The following PAIP2B variants were observed in gnomAD, a reference collection of about 807,000 sequenced individuals.
The protein encoded by PAIP2B is polyadenylate-binding protein-interacting protein 2B.
PAIP2B carries 13 observed loss-of-function variants against 17.0 expected under a neutral mutation model. The ratio of observed to expected loss-of-function variants is 0.76; its 90% CI spans 0.50 to 1.22. The LOEUF (loss-of-function observed/expected upper bound fraction) is 1.22, where lower values mean the gene tolerates loss of function less well. Among genes scored for constraint, PAIP2B ranks in the 50% most tolerant of loss-of-function variants. The probability of loss-of-function intolerance (pLI) is 0.00; values close to 1 mark genes in which losing one functional copy is unlikely to be tolerated. For missense variants in PAIP2B, 117 were observed against 144.5 expected, an observed-to-expected ratio of 0.81 and a Z score of 0.98; for synonymous variants, 43 against 48.7, an observed-to-expected ratio of 0.88 and a Z score of 0.48.
chr2:71,225,438 T>A (rs1407503773), intron 1 of PAIP2B, among the ~76,000 whole-genome samples: 8 of 152,160 alleles, frequency 5.3e-5, no homozygotes, highest in Non-Finnish European at 1.2e-4. Context: ...GATGTTAAAC[T>A]CATAGCTTAC....
intron 1 of PAIP2B, among the ~76,000 whole-genome samples, chr2:71,211,637 A>G (rs1447928464): frequency 1.3e-5 from 2 of 149,684 alleles, no homozygotes; most frequent in Non-Finnish European, 3.0e-5. Context: ...GTGTAAATTC[A>G]TTGTCCTGAG....
At chr2:71,212,370 C>G (rs1207720459) in intron 1 of PAIP2B, among the ~76,000 whole-genome samples, 1 of 152,152 alleles carries the variant, frequency 6.6e-6, no homozygotes, top group Non-Finnish European at 1.5e-5. Context: ...GGGCAAGAAT[C>G]AAGTCCTTTA....
intron 1 of PAIP2B, among the ~76,000 whole-genome samples, chr2:71,207,866 C>T (rs527308489): frequency 9.2e-5 from 14 of 151,720 alleles, no homozygotes; most frequent in Middle Eastern, 3.4e-3. Context: ...GTGATAGGGG[C>T]GTGGGGGTAA....
At chr2:71,208,519 G>A (rs1414445983) in intron 1 of PAIP2B, among the ~76,000 whole-genome samples, 1 of 151,972 alleles carries the variant, frequency 6.6e-6, no homozygotes, top group Non-Finnish European at 1.5e-5. Flanking sequence ...AGAAGAGTGT[G>A]ACATCACAGA....
Position 71,202,561 on chromosome 2 carries a change from G to A in PAIP2B, c.29C>T (p.Ser10Leu), listed in dbSNP as rs372197997. 2 of 1,613,564 alleles carry A rather than the reference G, an allele frequency of 1.2e-6. No individual in the cohort carries two copies. The highest frequency in any genetic ancestry group is 1.7e-6 in the Non-Finnish European group (2 of 1,179,618). The change falls in exon 2 of 4, where the codon TCA becomes TTA. Residue 10 changes from serine (S) to leucine (L), a missense_variant. Transcript: ENST00000244221. MNGSNMANT[S>L]PSVKSKEDQG... ...GTCCTCTTTGGATTTTACACTCGGT[G>A]ATGTATTTGCCATATTGGATCCATT...
chr2:71,224,367 G>C (rs1390842359), intron 1 of PAIP2B, among the ~76,000 whole-genome samples: 3 of 152,294 alleles, frequency 2.0e-5, no homozygotes, highest in East Asian at 1.9e-4. Flanking sequence ...CTGGGAACAA[G>C]GGTTGAATAT....
chr2:71,188,349 T>C lies in PAIP2B; in HGVS notation c.*130A>G, dbSNP rs357780. 0.92 allele frequency: 645,256 copies of C among 698,366 alleles called. 298,417 individuals are homozygous for C. The highest frequency in any genetic ancestry group is 1 in the East Asian group (36,457 of 36,512). The allele number at this position is 698,366 out of a possible 1,614,324, so 43.3% of individuals were successfully genotyped here. ...TATTAGTTACTCAGAGTCACAGTAT[T>C]GTGAGACCACCACTCCCCTTCCCGC... On this transcript the variant is annotated 3_prime_UTR_variant, in exon 4 of 4. Transcript: ENST00000244221.
chr2:71,218,833 A>T (rs1675500508), intron 1 of PAIP2B, among the ~76,000 whole-genome samples: 1 of 152,174 alleles, frequency 6.6e-6, no homozygotes, highest in African/African-American at 2.4e-5. Context: ...TTCTACTTTT[A>T]AAAATGTTTA....
Position 71,190,036 on chromosome 2 carries a change from G to A in PAIP2B, c.139-15C>T, listed in dbSNP as rs965643003. 1 of 1,604,406 alleles carries A rather than the reference G, an allele frequency of 6.2e-7. No individual in the cohort carries two copies. Among genetic ancestry groups the A allele is most frequent in the East Asian group, 2.2e-5 (1 of 44,652 alleles). On this transcript the variant is annotated splice_polypyrimidine_tract_variant and intron_variant, in intron 2 of 3. Coordinates refer to ENST00000244221, the MANE Select transcript of PAIP2B (RefSeq NM_020459.1). ...TCCTCCTCCACCTAGCAAGCAAAGG[G>A]GAGCAGCTCAGACTTACTGTCACAG...
chr2:71,201,937 G>T (rs974467543), intron 2 of PAIP2B, among the ~76,000 whole-genome samples: 1 of 152,136 alleles, frequency 6.6e-6, no homozygotes, highest in Non-Finnish European at 1.5e-5. Flanking sequence ...TTGGTACAAG[G>T]GTTTTATGTC....
chr2:71,198,101 C>T (rs1400915256), intron 2 of PAIP2B, among the ~76,000 whole-genome samples: 1 of 152,104 alleles, frequency 6.6e-6, no homozygotes, highest in Non-Finnish European at 1.5e-5. Flanking sequence ...TTCTATTCTT[C>T]TTGCTTTATT....
intron 1 of PAIP2B, among the ~76,000 whole-genome samples, chr2:71,220,836 T>G (rs529413474): frequency 1.4e-4 from 22 of 152,292 alleles, no homozygotes; most frequent in Admixed American, 7.2e-4. Context: ...TATTACTAAT[T>G]ATTCCTTTCT....
intron 1 of PAIP2B, among the ~76,000 whole-genome samples, chr2:71,226,076 T>C (rs1223904039): frequency 6.6e-5 from 10 of 152,220 alleles, no homozygotes; most frequent in Non-Finnish European, 1.5e-4. Context: ...TAGTTAGCCC[T>C]TTTCAACTGC....
chr2:71,199,644 G>A (rs1003892786), intron 2 of PAIP2B, among the ~76,000 whole-genome samples: 9 of 150,636 alleles, frequency 6.0e-5, no homozygotes, highest in East Asian at 3.9e-4. Flanking sequence ...TCAGCTCACC[G>A]CAAGCTCCGC....
intron 1 of PAIP2B, among the ~76,000 whole-genome samples, chr2:71,212,961 A>G (rs1675339182): frequency 6.6e-6 from 1 of 151,040 alleles, no homozygotes; most frequent in African/African-American, 2.4e-5. Context: ...CTTGTTGCCC[A>G]GGCTGGTCTC....
At chr2:71,209,018 A>G (rs1314340427) in intron 1 of PAIP2B, among the ~76,000 whole-genome samples, 1 of 152,186 alleles carries the variant, frequency 6.6e-6, no homozygotes, top group Non-Finnish European at 1.5e-5. Context: ...AGCCACAGGG[A>G]ATGAATCCAA....
At chr2:71,208,017 A>C (rs1675183550) in intron 1 of PAIP2B, among the ~76,000 whole-genome samples, 1 of 152,222 alleles carries the variant, frequency 6.6e-6, no homozygotes, top group African/African-American at 2.4e-5. Flanking sequence ...GTAGTCGTTT[A>C]TATAAATGGT....
At chr2:71,192,003 T>C (rs1243681556) in intron 2 of PAIP2B, among the ~76,000 whole-genome samples, 2 of 152,226 alleles carry the variant, frequency 1.3e-5, no homozygotes, top group African/African-American at 4.8e-5. Context: ...CATGCCATGC[T>C]GACCTGTCTG....
intron 1 of PAIP2B, among the ~76,000 whole-genome samples, chr2:71,209,698 T>A (rs781352004): frequency 2.6e-5 from 4 of 152,226 alleles, no homozygotes; most frequent in Non-Finnish European, 5.9e-5. Flanking sequence ...ACTTTCTAAC[T>A]TTCTAACTTT....
Sources: gnomAD v4.1 joint callset for allele counts (sites outside exome capture counted in the v4.1 genomes callset) on GRCh38, gnomAD v4.1.1 for gene constraint, MANE v1.5 for transcripts, NCBI Gene and HGNC (gene_info 2026-07-23, HGNC 2026-07-21) for gene names.